The following CAMK2D variants were observed in gnomAD, a reference collection of about 807,000 sequenced individuals.
CAMK2D encodes calcium/calmodulin-dependent protein kinase type II subunit delta.
Under a neutral mutation model 84.0 loss-of-function variants are expected in CAMK2D, and 37 were observed. The observed-to-expected ratio is 0.44, with a 90% confidence interval of 0.34 to 0.58. CAMK2D has a LOEUF of 0.58. CAMK2D is among the 20% of genes least tolerant of loss of function. The pLI, the probability that CAMK2D is intolerant of heterozygous loss-of-function variation, is 0.02. For synonymous variants in CAMK2D, 202 were observed against 212.5 expected (o/e 0.95, Z 0.43); for missense variants, 448 against 652.5 (o/e 0.69, Z 3.41).
rs140252224 is a variant in CAMK2D at position 113,469,717 on chromosome 4, C to T, written c.1136-4113G>A. Among the ~76,000 whole-genome samples, 415 of 152,300 alleles carry T rather than the reference C, an allele frequency of 2.7e-3. 2 individuals carry two copies. The highest frequency in any genetic ancestry group is 0.014 in the Middle Eastern group (4 of 294). The stretch of plus-strand genomic sequence containing the variant: ...TTCCACCACTACAAGCCTGCTTGCT[C>T]TTCCATGGATCCCCATTTTGGTGAA... On this transcript the variant is annotated intron_variant, in intron 16 of 20. Coordinates refer to ENST00000511664, the MANE Select transcript of CAMK2D (RefSeq NM_001321571.2).
chr4:113,620,227 G>T (rs553206806), intron 3 of CAMK2D, among the ~76,000 whole-genome samples: 1 of 152,158 alleles, frequency 6.6e-6, no homozygotes, highest in South Asian at 2.1e-4. Context: ...GTGTGTAGAG[G>T]CCCAAGAAAA....
chr4:113,526,691 T>C (rs1381310160), intron 8 of CAMK2D, among the ~76,000 whole-genome samples: 1 of 152,084 alleles, frequency 6.6e-6, no homozygotes, highest in Non-Finnish European at 1.5e-5. Flanking sequence ...TACAGAAATG[T>C]ACTCAGACAA....
chr4:113,528,351 A>G (rs2098435959), intron 8 of CAMK2D, among the ~76,000 whole-genome samples: 1 of 152,184 alleles, frequency 6.6e-6, no homozygotes, highest in South Asian at 2.1e-4. Flanking sequence ...GGGACTAAAG[A>G]ATTTGTGCCA....
chr4:113,731,454 G>A (rs1449109675), intron 2 of CAMK2D, among the ~76,000 whole-genome samples: 1 of 152,020 alleles, frequency 6.6e-6, no homozygotes, highest in Non-Finnish European at 1.5e-5. Context: ...AATTAATAGT[G>A]TAATAGATGA....
intron 4 of CAMK2D, among the ~76,000 whole-genome samples, chr4:113,568,283 G>C (rs925660052): frequency 1.3e-5 from 2 of 152,060 alleles, no homozygotes; most frequent in Non-Finnish European, 2.9e-5. Context: ...CTTTCCCTAT[G>C]AATTTGCCTA....
intron 3 of CAMK2D, among the ~76,000 whole-genome samples, chr4:113,657,284 T>G (rs1480888812): frequency 6.6e-6 from 1 of 152,162 alleles, no homozygotes; most frequent in Non-Finnish European, 1.5e-5. Flanking sequence ...ATTCTCTGCA[T>G]AGAACAAATC....
rs1046484158 is a variant in CAMK2D at position 113,646,350 on chromosome 4, T to C, written c.220+15363A>G. Among the ~76,000 whole-genome samples the C allele has an allele frequency of 2.0e-5, 3 of 152,204 alleles. No homozygotes were observed. In the South Asian group the frequency reaches 6.2e-4, roughly 31 times the overall value. On this transcript the variant is annotated intron_variant, in intron 3 of 20. Transcript: ENST00000511664. Reference sequence around the variant, plus strand: ...TACAATAATAAACAAGAAAAGTCCATGCCCTCATGAAGTTTTACATACTAC... The same window carrying C: ...TACAATAATAAACAAGAAAAGTCCACGCCCTCATGAAGTTTTACATACTAC...
intron 2 of CAMK2D, among the ~76,000 whole-genome samples, chr4:113,682,557 A>G (rs1262459779): frequency 6.6e-6 from 1 of 152,112 alleles, no homozygotes; most frequent in African/African-American, 2.4e-5. Context: ...CAAGACTGAA[A>G]AAAACTGTAA....
chr4:113,650,187 A>G (rs2099167273), intron 3 of CAMK2D, among the ~76,000 whole-genome samples: 1 of 151,910 alleles, frequency 6.6e-6, no homozygotes, highest in Non-Finnish European at 1.5e-5. Flanking sequence ...TTTAATTCCA[A>G]TATCAAATGT....
chr4:113,505,588 C>CGCCG (rs1203912810), intron 13 of CAMK2D, among the ~76,000 whole-genome samples: 1 of 138,746 alleles, frequency 7.2e-6, no homozygotes, highest in African/African-American at 2.5e-5. Context: ...TAGATCTCCT[C>CGCCG]TAAAAATTAC....
At chr4:113,610,696 G>A (rs998052345) in intron 3 of CAMK2D, among the ~76,000 whole-genome samples, 3 of 152,116 alleles carry the variant, frequency 2.0e-5, no homozygotes, top group Non-Finnish European at 4.4e-5. Flanking sequence ...GCAGCCAACA[G>A]TTCAGTCTCA....
chr4:113,670,236 T>G (rs2099274699), intron 2 of CAMK2D, among the ~76,000 whole-genome samples: 1 of 152,010 alleles, frequency 6.6e-6, no homozygotes, highest in South Asian at 2.1e-4. Flanking sequence ...GAGCCAAGAT[T>G]GTGCCAGTGC....
chr4:113,503,289 C>T (rs753757009), intron 14 of CAMK2D: 1 of 593,658 alleles, frequency 1.7e-6, no homozygotes, highest in Non-Finnish European at 3.2e-6. Context: ...CCTATGCTTT[C>T]CTTTCTTCTT....
intron 2 of CAMK2D, among the ~76,000 whole-genome samples, chr4:113,707,102 G>A (rs2099461318): frequency 6.6e-6 from 1 of 152,086 alleles, no homozygotes; most frequent in South Asian, 2.1e-4. Flanking sequence ...AGTGAAATAT[G>A]ATAGCGAGCC....
intron 8 of CAMK2D, among the ~76,000 whole-genome samples, chr4:113,518,207 T>G (rs1037041697): frequency 6.6e-6 from 1 of 152,106 alleles, no homozygotes; most frequent in Non-Finnish European, 1.5e-5. Context: ...CTTCAAATAC[T>G]TCAAGCCTTC....
chr4:113,594,050 T>C (rs1938890911), intron 4 of CAMK2D, among the ~76,000 whole-genome samples: 1 of 152,180 alleles, frequency 6.6e-6, no homozygotes, highest in Non-Finnish European at 1.5e-5. Flanking sequence ...CATTTGCTTC[T>C]GGGGAGACCT....
intron 12 of CAMK2D, among the ~76,000 whole-genome samples, chr4:113,511,468 A>G (rs1334505249): frequency 1.3e-5 from 2 of 152,174 alleles, no homozygotes; most frequent in Non-Finnish European, 2.9e-5. Context: ...TTTATGCCCA[A>G]GAGTGTATTT....
chr4:113,478,705 A>G (rs2097661312), intron 16 of CAMK2D, among the ~76,000 whole-genome samples: 1 of 152,150 alleles, frequency 6.6e-6, no homozygotes, highest in South Asian at 2.1e-4. Flanking sequence ...ACTTTGTGTA[A>G]TGTGGTACAA....
At chr4:113,745,597 G>A (rs1457377245) in intron 2 of CAMK2D, among the ~76,000 whole-genome samples, 2 of 152,152 alleles carry the variant, frequency 1.3e-5, no homozygotes, top group Non-Finnish European at 2.9e-5. Context: ...TAGATAAAAT[G>A]TTAACCTCGC....
Sources: allele counts gnomAD v4.1 joint callset (sites outside exome capture counted in the v4.1 genomes callset), GRCh38; gene constraint gnomAD v4.1.1; transcripts MANE v1.5; gene names NCBI Gene and HGNC (gene_info 2026-07-23, HGNC 2026-07-21).